AFDN: variants seen among roughly 807,000 people sequenced by gnomAD.
The protein encoded by AFDN is afadin.
In AFDN, 68 loss-of-function variants were observed where a neutral mutation model predicts 216.6. The observed-to-expected ratio is 0.31, with a 90% CI of 0.26 to 0.38. The LOEUF (loss-of-function observed/expected upper bound fraction) is 0.38. AFDN is among the 10% of genes least tolerant of loss of function. The pLI, the probability that AFDN is intolerant of heterozygous loss-of-function variation, is 1.00. For synonymous variants in AFDN, 868 were observed against 853.7 expected (o/e 1.02, Z -0.29); for missense variants, 2,136 against 2,342.0 (o/e 0.91, Z 1.82).
At chr6:167,950,228 T>G (rs1795807995) in intron 29 of AFDN, among the ~76,000 whole-genome samples, 1 of 152,250 alleles carries the variant, frequency 6.6e-6, no homozygotes, top group Admixed American at 6.5e-5. Flanking sequence ...GGAAATAATT[T>G]GTTTTCCTGG....
rs746956000 is a variant in AFDN at position 167,907,240 on chromosome 6, C to T, written c.1720C>T (p.Pro574Ser). 1.9e-6 allele frequency: 3 copies of T among 1,614,076 alleles called. No homozygotes were observed. In the South Asian group the frequency reaches 3.3e-5, roughly 18 times the overall value. ...SSTAERGMVKPMIRVEQQPDY... is the reference protein window; with the variant it reads ...SSTAERGMVKSMIRVEQQPDY... ...CACAGCCGAGCGGGGAATGGTGAAG[C>T]CGATGATCAGAGTAGAACAGCAGCC... Residue 574 changes from proline to serine, a missense_variant, in exon 13 of 34, where the codon CCG (proline) becomes TCG (serine). Around this residue, in one of 8 missense-constraint regions of AFDN, gnomAD observed 817 missense variants for 965.7 expected, o/e 0.85. Transcript: ENST00000683244.
intron 23 of AFDN, among the ~76,000 whole-genome samples, chr6:167,934,137 G>T (rs1052349411): frequency 2.0e-5 from 3 of 152,214 alleles, no homozygotes; most frequent in Non-Finnish European, 2.9e-5. Flanking sequence ...GTCTTTGGGG[G>T]TTTATGGGCT....
At chr6:167,899,043 A>T (rs1387526103) in intron 11 of AFDN, among the ~76,000 whole-genome samples, 1 of 152,030 alleles carries the variant, frequency 6.6e-6, no homozygotes, top group Non-Finnish European at 1.5e-5. Context: ...TCTATTTTTC[A>T]TGCTGCTTAA....
chr6:167,892,460 A>G (rs1487830635), intron 8 of AFDN, among the ~76,000 whole-genome samples: 1 of 152,220 alleles, frequency 6.6e-6, no homozygotes, highest in Non-Finnish European at 1.5e-5. Flanking sequence ...AAAATTTTAT[A>G]TTAAATTCTA....
At position 167,927,352 on chromosome 6, in the gene AFDN, G is replaced by A. The variant is rs565893794; in HGVS notation, c.3099+2261G>A. On this transcript the variant is annotated intron_variant, in intron 23 of 33. Coordinates refer to ENST00000683244, the MANE Select transcript of AFDN (RefSeq NM_001386888.1). ...TCTTGTGTGGGCCACTTTTGGATAAGGTGAGACCTGTGCGATTACTAAGGA... is the reference window on the plus strand; with the variant it reads ...TCTTGTGTGGGCCACTTTTGGATAAAGTGAGACCTGTGCGATTACTAAGGA... Among the ~76,000 whole-genome samples the A allele has an allele frequency of 3.9e-5, 6 of 152,232 alleles. 1 individual carries two copies. In the South Asian group the frequency reaches 1.2e-3, roughly 32 times the overall value.
intron 6 of AFDN, among the ~76,000 whole-genome samples, chr6:167,887,518 C>T (rs1356646560): frequency 4.0e-5 from 6 of 151,348 alleles, no homozygotes; most frequent in African/African-American, 1.2e-4. Context: ...TGCAATGGCA[C>T]GATCTCGGCT....
At chr6:167,922,139 A>T (rs1791903868) in intron 21 of AFDN, among the ~76,000 whole-genome samples, 1 of 152,264 alleles carries the variant, frequency 6.6e-6, no homozygotes, top group South Asian at 2.1e-4. Context: ...CCCGTGTGAT[A>T]GATAGGAGTT....
In AFDN at chr6:167,827,001, A is replaced by C; in HGVS notation, c.-132A>C. ...GTCGGAGGACGCGGCGCGGCCGCGG[A>C]GGCGGAGGCAGCCGCGGAGGCGGAG... is the stretch of plus-strand genomic sequence containing the variant. On this transcript the variant is annotated 5_prime_UTR_variant, in exon 1 of 34. Transcript: ENST00000683244. 1 of 195,912 alleles carries C rather than the reference A, an allele frequency of 5.1e-6. No homozygotes were observed. The highest frequency in any genetic ancestry group is 8.9e-6 in the Non-Finnish European group (1 of 112,070). 12.1% of individuals were successfully genotyped at this position (195,912 alleles called of 1,614,324 possible). A position where few individuals can be genotyped will look rare whatever the true frequency, so the allele number is the denominator to read the frequency against.
intron 5 of AFDN, 90 bp downstream of exon 5, chr6:167,875,585 G>A (rs751522415): frequency 1.5e-6 from 2 of 1,330,318 alleles, no homozygotes; most frequent in Non-Finnish European, 2.1e-6. Context: ...TTTAACTAAA[G>A]CAATGGGTGG....
intron 1 of AFDN, among the ~76,000 whole-genome samples, chr6:167,836,403 T>C (rs923820474): frequency 6.6e-6 from 1 of 152,242 alleles, no homozygotes; most frequent in Non-Finnish European, 1.5e-5. Flanking sequence ...TTTCTCCTAC[T>C]ATGTTTAGTT....
intron 1 of AFDN, among the ~76,000 whole-genome samples, chr6:167,829,658 A>G (rs1779613513): frequency 6.6e-6 from 1 of 151,928 alleles, no homozygotes; most frequent in African/African-American, 2.4e-5. Context: ...ATGAGAGTAT[A>G]GTTGTGGGTT....
In AFDN at chr6:167,971,396, G is replaced by T. The variant is rs1480215898; in HGVS notation, c.*1461G>T. 4.9e-6 allele frequency: 1 copy of T among 204,138 alleles called. No individual in the cohort carries two copies. The highest frequency in any genetic ancestry group is 2.3e-5 in the African/African-American group (1 of 43,698). The allele number at this position is 204,138 out of a possible 1,614,324, so 12.6% of individuals were successfully genotyped here. ...TTCGAAATCACTTTTAATAAAAGTT[G>T]TATGATAAATCATTAAAAATGCGAG... On this transcript the variant is annotated 3_prime_UTR_variant, in exon 34 of 34. Transcript: ENST00000683244.
intron 30 of AFDN, among the ~76,000 whole-genome samples, chr6:167,959,257 A>G (rs1008943573): frequency 5.1e-4 from 77 of 152,292 alleles, no homozygotes; most frequent in African/African-American, 1.8e-3. Context: ...GTGCTACAGG[A>G]AGGGAGCTAG....
In AFDN at chr6:167,970,343, T is replaced by C; in HGVS notation, c.*408T>C. 1 of 256,300 alleles carries C rather than the reference T, an allele frequency of 3.9e-6. No individual in the cohort carries two copies. The highest frequency in any genetic ancestry group is 7.4e-6 in the Non-Finnish European group (1 of 135,352). The allele number at this position is 256,300 out of a possible 1,614,324, so 15.9% of individuals were successfully genotyped here. ...TCTGTTTTTTTCAGAAACTTTATTT[T>C]AGCTGTCAAGCAGAGAATAGCTTGA... On this transcript the variant is annotated 3_prime_UTR_variant, in exon 34 of 34. Coordinates refer to ENST00000683244, the MANE Select transcript of AFDN (RefSeq NM_001386888.1).
chr6:167,945,821 A>G (rs562094588), intron 26 of AFDN, among the ~76,000 whole-genome samples: 2 of 152,326 alleles, frequency 1.3e-5, no homozygotes, highest in South Asian at 2.1e-4. Context: ...AATCAATACA[A>G]ATTTAGGGCT....
At chr6:167,870,006 A>G (rs537224532) in intron 2 of AFDN, among the ~76,000 whole-genome samples, 1 of 152,280 alleles carries the variant, frequency 6.6e-6, no homozygotes, top group East Asian at 1.9e-4. Context: ...AATCAGTGGA[A>G]CTTCTGTGTG....
At chr6:167,889,830 A>G (rs1787343729) in intron 7 of AFDN, among the ~76,000 whole-genome samples, 2 of 152,388 alleles carry the variant, frequency 1.3e-5, no homozygotes, top group South Asian at 4.1e-4. Flanking sequence ...GCAAGAAGCG[A>G]AAGATCATTG....
intron 1 of AFDN, among the ~76,000 whole-genome samples, chr6:167,846,597 G>A (rs1781708187): frequency 6.7e-6 from 1 of 149,128 alleles, no homozygotes. Flanking sequence ...CTTTTTATTT[G>A]TTGTGATGTA....
chr6:167,880,781 T>A (rs1227500152), intron 6 of AFDN, among the ~76,000 whole-genome samples: 2 of 152,180 alleles, frequency 1.3e-5, no homozygotes, highest in Non-Finnish European at 2.9e-5. Context: ...TGACCACATA[T>A]ACTTGTGGTT....
Sources: gnomAD v4.1 joint callset for allele counts (sites outside exome capture counted in the v4.1 genomes callset) on GRCh38, gnomAD v4.1.1 for gene constraint, gnomAD v4.1.1 regional missense constraint, MANE v1.5 for transcripts, NCBI Gene and HGNC (gene_info 2026-07-23, HGNC 2026-07-21) for gene names.